PLEKHH2: variants seen among roughly 807,000 people sequenced by gnomAD.
The protein encoded by PLEKHH2 is pleckstrin homology, MyTH4 and FERM domain containing H2, also known as pleckstrin homology domain-containing family H member 2.
Under a neutral mutation model 187.9 loss-of-function variants are expected in PLEKHH2, and 129 were observed. That is an observed-to-expected ratio of 0.69 (90% CI 0.59 to 0.79). PLEKHH2 has a LOEUF of 0.79. Ranked by LOEUF, PLEKHH2 falls within the 30% of genes least tolerant of loss-of-function variation. PLEKHH2 has a pLI of 0.00. For missense variants in PLEKHH2, 2,076 were observed against 1,751.2 expected (o/e 1.19, Z -3.31); for synonymous variants, 686 against 605.6 (o/e 1.13, Z -1.95).
rs147466534 is a variant in PLEKHH2, at chr2:43,726,969, T to A, written c.2721+518T>A. 2.6e-3 allele frequency among the ~76,000 whole-genome samples: 402 copies of A among 152,304 alleles called. 1 individual carries two copies. Among genetic ancestry groups the A allele is most frequent in the African/African-American group, 9.2e-3 (382 of 41,564 alleles). On this transcript the variant is annotated intron_variant, in intron 17 of 29. Transcript: ENST00000282406. Reference sequence around the variant, plus strand: ...TAGGAAACATTAGTTTTTCATCTCATACAGATAGCAAAATAATTTCCAGAT... The same window carrying A: ...TAGGAAACATTAGTTTTTCATCTCAAACAGATAGCAAAATAATTTCCAGAT...
intron 3 of PLEKHH2, chr2:43,679,493 CCTT>C (rs1192641810): frequency 2.2e-5 from 7 of 321,126 alleles, no homozygotes; most frequent in Admixed American, 4.4e-5. Flanking sequence ...TGATTTTTTC[CCTT>C]TTTTTTTTTT....
At chr2:43,744,233 A>G (rs2104601063) in intron 23 of PLEKHH2, 1 of 816,734 alleles carries the variant, frequency 1.2e-6, no homozygotes, top group Non-Finnish European at 1.6e-6. Context: ...TGGAAATGAT[A>G]CTCTAAGTAT....
At chr2:43,707,942 A>C (rs749144394) in intron 11 of PLEKHH2, among the ~76,000 whole-genome samples, 2 of 152,218 alleles carry the variant, frequency 1.3e-5, no homozygotes, top group Non-Finnish European at 2.9e-5. Context: ...AAAGTGGAGA[A>C]CAACATTTAC....
chr2:43,637,455 C>A (rs1168591628), intron 1 of PLEKHH2, 76 bp downstream of exon 1: 1 of 152,288 alleles, frequency 6.6e-6, no homozygotes, highest in African/African-American at 2.4e-5. Flanking sequence ...GAGGGCGCCC[C>A]GTCCAGGGGG....
In PLEKHH2 at chr2:43,742,867, C is replaced by T; in HGVS notation, c.3348C>T (p.His1116=). 6.2e-7 allele frequency: 1 copy of T among 1,607,372 alleles called. No individual in the cohort carries two copies. Among genetic ancestry groups the T allele is most frequent in the South Asian group, 1.1e-5 (1 of 89,572 alleles). The change falls in exon 22 of 30, where the codon CAC becomes CAT. Residue 1116 remains histidine (H), a synonymous_variant. Coordinates refer to ENST00000282406, the MANE Select transcript of PLEKHH2 (RefSeq NM_172069.4). ...CAACTCTTCTCCGAAACCCTTATCA[C>T]CATTCTTTGCCCTTTAGTATACCTG... The part of the protein sequence containing the change: ...ILSTLLRNPY[H]HSLPFSIPVH...
chr2:43,743,759 C>T, intron 22 of PLEKHH2, 75 bp from the exon 23 acceptor site: 1 of 1,344,722 alleles, frequency 7.4e-7, no homozygotes, highest in East Asian at 2.4e-5. Context: ...CAAGTATGCT[C>T]TGTTTCATCC....
intron 11 of PLEKHH2, among the ~76,000 whole-genome samples, chr2:43,709,091 G>A (rs6544691): frequency 0.09 from 13,631 of 152,176 alleles, 1,401 homozygotes; most frequent in African/African-American, 0.26. Flanking sequence ...GCAACTCCCA[G>A]GTAGTTTTCT....
At chr2:43,647,745 T>C (rs1255126696) in intron 2 of PLEKHH2, among the ~76,000 whole-genome samples, 4 of 152,152 alleles carry the variant, frequency 2.6e-5, no homozygotes, top group African/African-American at 9.7e-5. Flanking sequence ...CTAATAGTGC[T>C]CTATACCTTC....
intron 20 of PLEKHH2, among the ~76,000 whole-genome samples, chr2:43,739,295 CA>C (rs924351797): frequency 1.3e-5 from 2 of 149,990 alleles, no homozygotes; most frequent in East Asian, 1.9e-4. Flanking sequence ...TCTTACCAGG[CA>C]AAAAAAAATA....
intron 24 of PLEKHH2, among the ~76,000 whole-genome samples, chr2:43,746,838 C>T (rs1031101965): frequency 1.9e-4 from 29 of 151,954 alleles, no homozygotes; most frequent in South Asian, 6.3e-4. Context: ...GGCGTGGTGG[C>T]GGGCACCTGT....
chr2:43,757,484 A>C (rs368621061), intron 26 of PLEKHH2, among the ~76,000 whole-genome samples: 1 of 151,160 alleles, frequency 6.6e-6, no homozygotes, highest in Admixed American at 6.6e-5. Context: ...CAGTGGCCCA[A>C]TCTCGGCTCA....
rs769541262 is a variant in PLEKHH2 at position 43,678,852 on chromosome 2, T to C, written c.124-11T>C. The C allele has an allele frequency of 2.1e-5, 33 of 1,576,032 alleles. No individual in the cohort carries two copies. The highest frequency in any genetic ancestry group is 1.9e-4 in the Middle Eastern group (1 of 5,236). On this transcript the variant is annotated splice_polypyrimidine_tract_variant and intron_variant, in intron 2 of 29. Transcript: ENST00000282406. ...TAAATTTTTGTATTTATATTTTCCCTCACTCTACAGATGCAACAGCTTGAG... is the reference window on the plus strand; with the variant it reads ...TAAATTTTTGTATTTATATTTTCCCCCACTCTACAGATGCAACAGCTTGAG...
At chr2:43,713,667 T>A (rs1670076058) in intron 15 of PLEKHH2, among the ~76,000 whole-genome samples, 1 of 151,596 alleles carries the variant, frequency 6.6e-6, no homozygotes, top group African/African-American at 2.4e-5. Flanking sequence ...TCTGTTTTTT[T>A]TTTTTTTACA....
At chr2:43,686,552 T>C (rs1668518851) in intron 3 of PLEKHH2, among the ~76,000 whole-genome samples, 1 of 152,200 alleles carries the variant, frequency 6.6e-6, no homozygotes, top group African/African-American at 2.4e-5. Flanking sequence ...CTAATATCCA[T>C]GACCTTGTAA....
chr2:43,727,741 C>A (rs1301930166), intron 17 of PLEKHH2, among the ~76,000 whole-genome samples: 3 of 152,162 alleles, frequency 2.0e-5, no homozygotes, highest in African/African-American at 7.2e-5. Context: ...AAGACTGAAG[C>A]ACTTTCCTGT....
chr2:43,737,454 C>A (rs1279575262), intron 19 of PLEKHH2, among the ~76,000 whole-genome samples: 1 of 152,214 alleles, frequency 6.6e-6, no homozygotes, highest in Non-Finnish European at 1.5e-5. Flanking sequence ...TGACTTACAA[C>A]ATTTGCTATT....
intron 10 of PLEKHH2, 26 bp downstream of exon 10, chr2:43,706,442 A>T (rs1392813924): frequency 6.9e-7 from 1 of 1,453,238 alleles, no homozygotes; most frequent in Admixed American, 1.8e-5. Context: ...TATTGTTAAA[A>T]CATGTGCTTC....
chr2:43,693,063 G>A (rs1266195556), intron 4 of PLEKHH2, among the ~76,000 whole-genome samples: 1 of 152,022 alleles, frequency 6.6e-6, no homozygotes, highest in East Asian at 1.9e-4. Flanking sequence ...GAGTAGCTGG[G>A]ACTATGGGCA....
intron 2 of PLEKHH2, among the ~76,000 whole-genome samples, chr2:43,659,773 G>A (rs1021554362): frequency 6.6e-6 from 1 of 151,878 alleles, no homozygotes; most frequent in South Asian, 2.1e-4. Context: ...TGGCCAGGCT[G>A]GTCTCGAACT....
Sources: gnomAD v4.1 joint callset for allele counts (sites outside exome capture counted in the v4.1 genomes callset) on GRCh38, gnomAD v4.1.1 for gene constraint, MANE v1.5 for transcripts, NCBI Gene and HGNC (gene_info 2026-07-23, HGNC 2026-07-21) for gene names.